The following ARHGAP26 variants were observed in gnomAD, a reference collection of about 807,000 sequenced individuals.
ARHGAP26 encodes the protein Rho GTPase activating protein 26.
A neutral mutation model predicts 104.8 loss-of-function variants in ARHGAP26; 38 were observed. That is an observed-to-expected ratio of 0.36 (90% CI 0.28 to 0.48). ARHGAP26 has a LOEUF of 0.48. Ranked by LOEUF, ARHGAP26 falls within the 20% of genes least tolerant of loss-of-function variation. The pLI, the probability that ARHGAP26 is intolerant of heterozygous loss-of-function variation, is 0.99. For synonymous variants in ARHGAP26, 341 were observed against 340.0 expected (o/e 1.00, Z -0.03); for missense variants, 704 against 947.9 (o/e 0.74, Z 3.38).
In ARHGAP26 at chr5:143,225,203, T is replaced by G. The variant is rs1315651105; in HGVS notation, c.*2757T>G. ...TTTTTATTTGTGTTTTTGTTTGTTT[T>G]TTGAGATGGAGTCTCACTCTGTGGC... On this transcript the variant is annotated 3_prime_UTR_variant, in exon 23 of 23. Transcript: ENST00000645722. 1 of 194,926 alleles carries G rather than the reference T, an allele frequency of 5.1e-6. No individual in the cohort carries two copies. The highest frequency in any genetic ancestry group is 1.1e-5 in the Non-Finnish European group (1 of 93,638). The allele number at this position is 194,926 out of a possible 1,614,324, so 12.1% of individuals were successfully genotyped here. A position where few individuals can be genotyped will look rare whatever the true frequency, so the allele number is the denominator to read the frequency against.
intron 11 of ARHGAP26, among the ~76,000 whole-genome samples, chr5:142,958,458 G>A (rs1168831177): frequency 6.6e-6 from 1 of 152,110 alleles, no homozygotes; most frequent in African/African-American, 2.4e-5. Context: ...CTTGAGTCTT[G>A]GAGTTTGAGA....
intron 11 of ARHGAP26, among the ~76,000 whole-genome samples, chr5:142,955,991 T>G (rs1441278514): frequency 6.6e-6 from 1 of 152,186 alleles, no homozygotes; most frequent in Non-Finnish European, 1.5e-5. Context: ...CTGGAGGGCT[T>G]CTTTTACTTG....
chr5:143,179,560 C>G (rs559135236), intron 20 of ARHGAP26, among the ~76,000 whole-genome samples: 1 of 152,358 alleles, frequency 6.6e-6, no homozygotes, highest in East Asian at 1.9e-4. Flanking sequence ...TTCCCCACAC[C>G]TGGGGCTTGG....
intron 19 of ARHGAP26, among the ~76,000 whole-genome samples, chr5:143,142,603 C>T (rs1310471081): frequency 1.3e-5 from 2 of 152,070 alleles, no homozygotes; most frequent in African/African-American, 4.8e-5. Flanking sequence ...CTGGGTCAGC[C>T]TGAAATGAGA....
chr5:143,024,629 G>A (rs1780779641), intron 12 of ARHGAP26, among the ~76,000 whole-genome samples: 1 of 152,132 alleles, frequency 6.6e-6, no homozygotes, highest in African/African-American at 2.4e-5. Flanking sequence ...TACATACTGG[G>A]GAGTGGGCAA....
At chr5:143,090,778 G>A (rs1486137751) in intron 17 of ARHGAP26, among the ~76,000 whole-genome samples, 6 of 152,284 alleles carry the variant, frequency 3.9e-5, no homozygotes, top group South Asian at 2.1e-4. Flanking sequence ...TTAGTGGTCC[G>A]CAGAACATTG....
chr5:143,075,243 C>T (rs1338111845), intron 17 of ARHGAP26, among the ~76,000 whole-genome samples: 2 of 151,734 alleles, frequency 1.3e-5, no homozygotes, highest in East Asian at 3.9e-4. Context: ...ATAGGGTCAA[C>T]ATTTTACAGA....
At chr5:143,099,805 T>G (rs1792950484) in intron 17 of ARHGAP26, among the ~76,000 whole-genome samples, 1 of 152,060 alleles carries the variant, frequency 6.6e-6, no homozygotes, top group Admixed American at 6.5e-5. Context: ...AAAATCATAA[T>G]AGAAAAATTC....
intron 11 of ARHGAP26, among the ~76,000 whole-genome samples, chr5:142,949,850 T>G (rs192338815): frequency 6.6e-6 from 1 of 152,320 alleles, no homozygotes; most frequent in East Asian, 1.9e-4. Context: ...GCATATGGAC[T>G]TGCTAAGGAG....
At chr5:142,882,750 A>G (rs1757182100) in intron 4 of ARHGAP26, among the ~76,000 whole-genome samples, 1 of 152,040 alleles carries the variant, frequency 6.6e-6, no homozygotes. Context: ...ATTTCATTTA[A>G]CCCTAGAAAT....
intron 11 of ARHGAP26, among the ~76,000 whole-genome samples, chr5:142,995,894 C>T (rs1776308427): frequency 6.6e-6 from 1 of 152,282 alleles, no homozygotes; most frequent in Non-Finnish European, 1.5e-5. Flanking sequence ...CTATCATTCT[C>T]AGCAAAGTAA....
rs575798413 is a variant in ARHGAP26, at chr5:142,785,622, C to G, written c.154+14707C>G. Among the ~76,000 whole-genome samples, 433 of 152,280 alleles carry G rather than the reference C, an allele frequency of 2.8e-3. 4 individuals carry two copies. Among genetic ancestry groups the G allele is most frequent in the African/African-American group, 9.9e-3 (412 of 41,540 alleles). On this transcript the variant is annotated intron_variant, in intron 1 of 22. Transcript: ENST00000645722. ...AGAGGAAAAAAATTGCCAGTACTAT[C>G]CTGATTTGGCTGGTTGCACTTCAGG...
chr5:142,974,903 C>A (rs1181536884), intron 11 of ARHGAP26, among the ~76,000 whole-genome samples: 1 of 152,164 alleles, frequency 6.6e-6, no homozygotes, highest in Non-Finnish European at 1.5e-5. Context: ...GTTCCACATC[C>A]ATACCTCCCT....
chr5:143,212,871 C>T (rs1439499425), intron 21 of ARHGAP26, among the ~76,000 whole-genome samples: 3 of 152,142 alleles, frequency 2.0e-5, no homozygotes, highest in South Asian at 2.1e-4. Flanking sequence ...CCTGGCCGGG[C>T]GCGGTGGCTC....
chr5:142,822,385 T>C (rs1725682248), intron 1 of ARHGAP26, among the ~76,000 whole-genome samples: 1 of 152,178 alleles, frequency 6.6e-6, no homozygotes, highest in African/African-American at 2.4e-5. Flanking sequence ...TTGGCATGCT[T>C]TGATCTGGCA....
At chr5:142,831,668 T>C (rs1460936665) in intron 1 of ARHGAP26, among the ~76,000 whole-genome samples, 2 of 151,374 alleles carry the variant, frequency 1.3e-5, no homozygotes, top group Non-Finnish European at 2.9e-5. Flanking sequence ...CTCCTCCCTC[T>C]CCCAACCTGC....
intron 11 of ARHGAP26, among the ~76,000 whole-genome samples, chr5:142,962,655 C>T (rs971431608): frequency 6.6e-6 from 1 of 151,970 alleles, no homozygotes; most frequent in Admixed American, 6.6e-5. Context: ...GGTTGATAAG[C>T]TATCTATGTA....
intron 9 of ARHGAP26, among the ~76,000 whole-genome samples, chr5:142,910,336 T>C (rs1011324421): frequency 1.3e-5 from 2 of 152,242 alleles, no homozygotes; most frequent in Non-Finnish European, 2.9e-5. Flanking sequence ...ATGACGTCAC[T>C]ATTTCCTCAG....
intron 6 of ARHGAP26, among the ~76,000 whole-genome samples, chr5:142,899,319 A>G (rs1598148211): frequency 2.0e-5 from 3 of 152,334 alleles, no homozygotes; most frequent in Admixed American, 1.3e-4. Flanking sequence ...AATGGTGACA[A>G]TCCAGAGTGA....
Sources: allele counts gnomAD v4.1 joint callset (sites outside exome capture counted in the v4.1 genomes callset), GRCh38; gene constraint gnomAD v4.1.1; transcripts MANE v1.5; gene names NCBI Gene and HGNC (gene_info 2026-07-23, HGNC 2026-07-21).